Variants in TSHZ2 observed in about 807,000 individuals in gnomAD.
The protein encoded by TSHZ2 is teashirt zinc finger homeobox 2.
Under a neutral mutation model 74.4 loss-of-function variants are expected in TSHZ2, and 21 were observed. The ratio of observed to expected loss-of-function variants is 0.28; its 90% CI spans 0.20 to 0.41. TSHZ2 has a LOEUF of 0.41. Among genes scored for constraint, TSHZ2 ranks in the 10% least tolerant of loss-of-function variants. The pLI is 1.00. For synonymous variants in TSHZ2, 540 were observed against 515.3 expected, an observed-to-expected ratio of 1.05 and a Z score of -0.65; for missense variants, 1,244 against 1,293.5, an observed-to-expected ratio of 0.96 and a Z score of 0.59.
intron 2 of TSHZ2, among the ~76,000 whole-genome samples, chr20:53,391,810 G>C (rs928463603): frequency 1.3e-5 from 2 of 152,154 alleles, no homozygotes; most frequent in Non-Finnish European, 2.9e-5. Flanking sequence ...AGACGTGGTG[G>C]TGTGCACCTG....
At chr20:53,300,944 T>C (rs1300671113) in intron 2 of TSHZ2, among the ~76,000 whole-genome samples, 3 of 152,148 alleles carry the variant, frequency 2.0e-5, no homozygotes, top group African/African-American at 7.2e-5. Context: ...ATTTCTTTTC[T>C]TTTCTTTCTT....
chr20:53,212,055 G>A (rs1600744178), intron 1 of TSHZ2, among the ~76,000 whole-genome samples: 1 of 152,124 alleles, frequency 6.6e-6, no homozygotes, highest in Non-Finnish European at 1.5e-5. Flanking sequence ...GCATAAATGA[G>A]CTCAAAATTG....
At chr20:53,432,758 G>A (rs1266871236) in intron 2 of TSHZ2, among the ~76,000 whole-genome samples, 1 of 151,960 alleles carries the variant, frequency 6.6e-6, no homozygotes, top group East Asian at 1.9e-4. Context: ...TTTTTCAGTT[G>A]GGCTTCTGAA....
At chr20:53,463,401 AG>A (rs1264789787) in intron 2 of TSHZ2, among the ~76,000 whole-genome samples, 22 of 109,836 alleles carry the variant, frequency 2.0e-4, no homozygotes, top group Non-Finnish European at 2.6e-4. Context: ...GAAGGAAGGA[AG>A]GAAGGAAGGA....
chr20:53,294,879 A>C (rs552892219), intron 2 of TSHZ2, among the ~76,000 whole-genome samples: 1 of 152,206 alleles, frequency 6.6e-6, no homozygotes, highest in East Asian at 1.9e-4. Context: ...AGGTGAAGGC[A>C]GCATAAAGCC....
intron 1 of TSHZ2, among the ~76,000 whole-genome samples, chr20:53,063,637 T>C (rs1984887405): frequency 6.6e-6 from 1 of 152,336 alleles, no homozygotes; most frequent in African/African-American, 2.4e-5. Flanking sequence ...AAGTGAATTG[T>C]AAGTGAATAG....
At chr20:53,026,948 T>C (rs572529382) in intron 1 of TSHZ2, among the ~76,000 whole-genome samples, 1 of 152,116 alleles carries the variant, frequency 6.6e-6, no homozygotes, top group Non-Finnish European at 1.5e-5. Flanking sequence ...AAGTTATTTA[T>C]GTATTTATGT....
intron 1 of TSHZ2, among the ~76,000 whole-genome samples, chr20:53,017,779 A>T (rs372248418): frequency 6.6e-6 from 1 of 152,090 alleles, no homozygotes; most frequent in African/African-American, 2.4e-5. Flanking sequence ...CTTCACCCCA[A>T]TGGTTAAGAA....
intron 1 of TSHZ2, among the ~76,000 whole-genome samples, chr20:53,081,997 GC>G: frequency 6.6e-6 from 1 of 150,872 alleles, no homozygotes; most frequent in South Asian, 2.1e-4. Context: ...TATGAAAATA[GC>G]CCAGAGGAGA....
At chr20:53,317,560 C>T (rs1420352011) in intron 2 of TSHZ2, among the ~76,000 whole-genome samples, 5 of 152,072 alleles carry the variant, frequency 3.3e-5, no homozygotes, top group Non-Finnish European at 5.9e-5. Context: ...TGCCAGTCAG[C>T]AAAAGGAAAA....
chr20:53,326,299 C>G lies in TSHZ2; in HGVS notation c.*8+69728C>G, dbSNP rs763871050. On this transcript the variant is annotated intron_variant, in intron 2 of 2. Transcript: ENST00000371497. Reference sequence around the variant, plus strand: ...TATTCCATGATTGCCTGTGATATGTCTAAGCAAAGGAACTTGGAGTGCTGA... The same window carrying G: ...TATTCCATGATTGCCTGTGATATGTGTAAGCAAAGGAACTTGGAGTGCTGA... Among the ~76,000 whole-genome samples, 3 of 152,318 alleles carry G rather than the reference C, an allele frequency of 2.0e-5. No homozygotes were observed. The East Asian group carries it at 5.8e-4, about 29-fold the overall frequency.
chr20:53,452,914 G>A (rs1423884412), intron 2 of TSHZ2: 3 of 152,324 alleles, frequency 2.0e-5, no homozygotes, highest in Admixed American at 2.0e-4. Context: ...GCTTCTTGAA[G>A]GGAAGAAGCA....
intron 2 of TSHZ2, among the ~76,000 whole-genome samples, chr20:53,366,680 G>A (rs530834579): frequency 8.7e-4 from 133 of 152,312 alleles, no homozygotes; most frequent in Middle Eastern, 6.8e-3. Flanking sequence ...GCCCCACTGC[G>A]TATTAGACAG....
In TSHZ2 at chr20:53,255,202, T is replaced by C. The variant is rs1990438294; in HGVS notation, c.1744T>C (p.Trp582Arg). The change falls in exon 2 of 3, where the codon TGG becomes CGG. Residue 582 changes from tryptophan (W) to arginine (R), a missense_variant. By Grantham distance (101) the Trp-to-Arg change is moderately radical. Coordinates refer to ENST00000371497, the MANE Select transcript of TSHZ2 (RefSeq NM_173485.6). The surrounding 1 kb of genome is among the most constrained non-coding windows in gnomAD (Gnocchi z 4.1). ...CAAGCTGAGGCCCATTGCACCAAAG[T>C]GGAAAGTGATGCCACTGGTTTCTAT... ...TNKLRPIAPK[W>R]KVMPLVSMPT... 4 of 1,614,116 alleles carry C rather than the reference T, an allele frequency of 2.5e-6. No homozygotes were observed. Among genetic ancestry groups the C allele is most frequent in the Non-Finnish European group, 3.4e-6 (4 of 1,180,026 alleles).
intron 2 of TSHZ2, among the ~76,000 whole-genome samples, chr20:53,359,451 G>T (rs1600829162): frequency 6.6e-6 from 1 of 152,150 alleles, no homozygotes; most frequent in Non-Finnish European, 1.5e-5. Flanking sequence ...TCATAAATAG[G>T]ACAGCAGGGA....
intron 2 of TSHZ2, among the ~76,000 whole-genome samples, chr20:53,324,183 C>T (rs1047208232): frequency 1.3e-5 from 2 of 152,066 alleles, no homozygotes; most frequent in Non-Finnish European, 2.9e-5. Flanking sequence ...GTTCCAGTGG[C>T]GGGATGCTCG....
At chr20:53,327,777 T>C (rs561330568) in intron 2 of TSHZ2, among the ~76,000 whole-genome samples, 8 of 152,272 alleles carry the variant, frequency 5.3e-5, no homozygotes, top group Non-Finnish European at 8.8e-5. Context: ...CAGGGTACGA[T>C]AAGAGCTTTG....
chr20:53,091,442 C>T (rs968516667), intron 1 of TSHZ2, among the ~76,000 whole-genome samples: 11 of 152,176 alleles, frequency 7.2e-5, no homozygotes, highest in African/African-American at 2.7e-4. Flanking sequence ...GCTACAGATT[C>T]AAGTTGCTTT....
chr20:53,462,971 G>T (rs930912050), intron 2 of TSHZ2, among the ~76,000 whole-genome samples: 2 of 152,148 alleles, frequency 1.3e-5, no homozygotes, highest in African/African-American at 4.8e-5. Context: ...CCCTTTTGTT[G>T]TGGGGGCCTC....
Sources: allele counts gnomAD v4.1 joint callset (sites outside exome capture counted in the v4.1 genomes callset), GRCh38; gene constraint gnomAD v4.1.1; non-coding constraint Gnocchi (gnomAD v3.1); transcripts MANE v1.5; gene names NCBI Gene and HGNC (gene_info 2026-07-23, HGNC 2026-07-21).